The following SOX6 variants were observed in gnomAD, a reference collection of about 807,000 sequenced individuals.
The protein encoded by SOX6 is transcription factor SOX-6.
SOX6 carries 11 observed loss-of-function variants against 97.8 expected under a neutral mutation model. That is an observed-to-expected ratio of 0.11 (90% CI 0.07 to 0.19). The LOEUF is 0.19. SOX6 is among the 10% of genes least tolerant of loss of function. The pLI is 1.00. For synonymous variants in SOX6, 360 were observed against 371.4 expected, an observed-to-expected ratio of 0.97 and a Z score of 0.35; for missense variants, 810 against 1,039.5, an observed-to-expected ratio of 0.78 and a Z score of 3.04.
At chr11:16,710,491 A>G (rs948339167) in intron 3 of SOX6, among the ~76,000 whole-genome samples, 6 of 152,244 alleles carry the variant, frequency 3.9e-5, no homozygotes, top group African/African-American at 1.2e-4. Flanking sequence ...ACTTCTCATC[A>G]GCATTCAATG....
chr11:16,062,584 C>T (rs1358672078), intron 9 of SOX6, among the ~76,000 whole-genome samples: 3 of 151,606 alleles, frequency 2.0e-5, no homozygotes, highest in African/African-American at 7.2e-5. Context: ...AATGTTTTTC[C>T]TGTTTCAATT....
chr11:16,599,828 T>G lies in SOX6; in HGVS notation n.609+12253A>C, dbSNP rs867886538. On this transcript the variant is annotated intron_variant and non_coding_transcript_variant, in intron 4 of 5. Coordinates refer to the SOX6 transcript ENST00000524520. The stretch of plus-strand genomic sequence containing the variant: ...CTCACATCTTTCCTAAAAATGAAAG[T>G]TTTTTTGAGTGAATAATAAAATATG... 4.6e-5 allele frequency among the ~76,000 whole-genome samples: 7 copies of G among 151,870 alleles called. No individual in the cohort carries two copies. In the Middle Eastern group the frequency reaches 0.014, roughly 295 times the overall value.
chr11:16,029,641 A>C (rs560382362), intron 12 of SOX6, among the ~76,000 whole-genome samples: 1 of 152,028 alleles, frequency 6.6e-6, no homozygotes, highest in African/African-American at 2.4e-5. Flanking sequence ...GTCTCAAAAA[A>C]AAAAACAAAA....
At chr11:16,238,464 A>C (rs1211347208) in intron 3 of SOX6, among the ~76,000 whole-genome samples, 2 of 152,106 alleles carry the variant, frequency 1.3e-5, no homozygotes, top group East Asian at 3.8e-4. Flanking sequence ...TAATTAACTT[A>C]GTAATTAATT....
chr11:16,370,030 C>A (rs1273967979), intron 1 of SOX6, among the ~76,000 whole-genome samples: 1 of 152,076 alleles, frequency 6.6e-6, no homozygotes, highest in Non-Finnish European at 1.5e-5. Context: ...GTACCAGCAC[C>A]AGCTGGCCAC....
chr11:16,350,467 A>G (rs1462969952), intron 1 of SOX6, among the ~76,000 whole-genome samples: 1 of 152,186 alleles, frequency 6.6e-6, no homozygotes, highest in Admixed American at 6.6e-5. Context: ...AAATAATATA[A>G]TACAATTTTT....
At chr11:16,684,966 A>AGAGGTGCGT in intron 3 of SOX6, among the ~76,000 whole-genome samples, 1 of 152,078 alleles carries the variant, frequency 6.6e-6, no homozygotes, top group Non-Finnish European at 1.5e-5. Context: ...AATGGGAGCA[A>AGAGGTGCGT]GAGGTGCGTA....
intron 3 of SOX6, among the ~76,000 whole-genome samples, chr11:16,648,165 T>G (rs1849041493): frequency 6.6e-6 from 1 of 152,036 alleles, no homozygotes; most frequent in African/African-American, 2.4e-5. Flanking sequence ...GGGGTAAGGT[T>G]TCAGCATGGC....
At chr11:16,105,526 C>A (rs1849057506) in intron 7 of SOX6, among the ~76,000 whole-genome samples, 2 of 151,996 alleles carry the variant, frequency 1.3e-5, no homozygotes, top group South Asian at 4.1e-4. Flanking sequence ...TATGATCATA[C>A]CTCTTAATTC....
intron 9 of SOX6, among the ~76,000 whole-genome samples, chr11:16,063,496 TTATATATATA>T (rs66968164): frequency 0.019 from 676 of 35,464 alleles, 17 homozygotes; most frequent in Non-Finnish European, 0.022. Context: ...TACCATAATT[TTATATATATA>T]TATATATATA....
chr11:16,720,243 C>T lies in SOX6; in HGVS notation n.354-5338G>A, dbSNP rs895644085. ...ATGCTGCTATAAAGACACATGCACACGTATGTTTATTGCGGCACTATTCAC... is the reference window on the plus strand; with the variant it reads ...ATGCTGCTATAAAGACACATGCACATGTATGTTTATTGCGGCACTATTCAC... On this transcript the variant is annotated intron_variant and non_coding_transcript_variant, in intron 2 of 5. Transcript: ENST00000524520. 2.6e-4 allele frequency among the ~76,000 whole-genome samples: 39 copies of T among 148,378 alleles called. 2 individuals carry two copies. The highest frequency in any genetic ancestry group is 4.5e-4 in the Non-Finnish European group (30 of 67,276).
chr11:16,190,195 A>C (rs1318543468), intron 4 of SOX6, among the ~76,000 whole-genome samples: 1 of 152,210 alleles, frequency 6.6e-6, no homozygotes. Flanking sequence ...GTGGCATCTA[A>C]ATTTTTTCTT....
chr11:16,511,526 G>GTT (rs531606082), intron 4 of SOX6, among the ~76,000 whole-genome samples: 1 of 151,538 alleles, frequency 6.6e-6, no homozygotes, highest in Non-Finnish European at 1.5e-5. Context: ...TTTTGTTTTT[G>GTT]TTTTTTTTAA....
chr11:16,038,117 GT>G (rs1199692803), intron 12 of SOX6, among the ~76,000 whole-genome samples: 1 of 152,156 alleles, frequency 6.6e-6, no homozygotes, highest in Non-Finnish European at 1.5e-5. Flanking sequence ...GGTATTATAA[GT>G]AATCTAGAGA....
intron 4 of SOX6, among the ~76,000 whole-genome samples, chr11:16,507,090 T>G (rs951607614): frequency 2.0e-5 from 3 of 151,742 alleles, no homozygotes; most frequent in African/African-American, 7.3e-5. Flanking sequence ...ATAAATACAA[T>G]AAAATAAAAG....
intron 9 of SOX6, among the ~76,000 whole-genome samples, chr11:16,067,504 T>A (rs533917500): frequency 6.6e-6 from 1 of 152,294 alleles, no homozygotes; most frequent in South Asian, 2.1e-4. Flanking sequence ...CCTTCTGCCA[T>A]GATTGTGAGG....
intron 3 of SOX6, among the ~76,000 whole-genome samples, chr11:16,638,177 T>C (rs1262036547): frequency 6.6e-6 from 1 of 151,762 alleles, no homozygotes; most frequent in South Asian, 2.1e-4. Flanking sequence ...GTCCTTGCGA[T>C]AGTTTGCTGA....
intron 4 of SOX6, among the ~76,000 whole-genome samples, chr11:16,194,920 T>C (rs1851731185): frequency 6.6e-6 from 1 of 152,220 alleles, no homozygotes. Flanking sequence ...GTCTTTACAT[T>C]ACTGTTCTCT....
chr11:16,043,524 A>G (rs182507592), intron 12 of SOX6, among the ~76,000 whole-genome samples: 61 of 152,240 alleles, frequency 4.0e-4, no homozygotes, highest in Middle Eastern at 3.4e-3. Context: ...CAAAATAGGG[A>G]TTTACCCAAT....
Sources: allele counts gnomAD v4.1 joint callset (sites outside exome capture counted in the v4.1 genomes callset), GRCh38; gene constraint gnomAD v4.1.1; transcripts MANE v1.5; gene names NCBI Gene and HGNC (gene_info 2026-07-23, HGNC 2026-07-21).